The following SRGAP1 variants were observed in gnomAD, a reference collection of about 807,000 sequenced individuals.
The protein encoded by SRGAP1 is SLIT-ROBO Rho GTPase-activating protein 1.
Under a neutral mutation model 121.9 loss-of-function variants are expected in SRGAP1, and 43 were observed. The ratio of observed to expected loss-of-function variants is 0.35; its 90% CI spans 0.28 to 0.46. The LOEUF is 0.46. SRGAP1 is among the 20% of genes least tolerant of loss of function. The pLI, the probability that SRGAP1 is intolerant of heterozygous loss-of-function variation, is 1.00. For missense variants in SRGAP1, 1,102 were observed against 1,350.9 expected (o/e 0.82, Z 2.89); for synonymous variants, 447 against 485.4 (o/e 0.92, Z 1.04).
chr12:63,889,291 A>G (rs1202040534), intron 1 of SRGAP1, among the ~76,000 whole-genome samples: 1 of 152,170 alleles, frequency 6.6e-6, no homozygotes, highest in Non-Finnish European at 1.5e-5. Context: ...CTGAAGGTTC[A>G]CACATAATGC....
intron 21 of SRGAP1, among the ~76,000 whole-genome samples, chr12:64,141,059 G>A (rs2036949795): frequency 7.3e-6 from 1 of 137,014 alleles, no homozygotes; most frequent in Non-Finnish European, 1.5e-5. Flanking sequence ...ACTCATAGGT[G>A]GGAATTGAAC....
chr12:64,116,633 G>A lies in SRGAP1; in HGVS notation c.2224+740G>A, dbSNP rs141521102. The stretch of plus-strand genomic sequence containing the variant: ...ATATTCCATTGTATGTATCTATTCC[G>A]TTCTTGATGAATATGTCAGGTATTT... On this transcript the variant is annotated intron_variant, in intron 18 of 21. Transcript: ENST00000355086. 4.6e-5 allele frequency among the ~76,000 whole-genome samples: 7 copies of A among 152,096 alleles called. No homozygotes were observed. In the East Asian group the frequency reaches 5.8e-4, roughly 13 times the overall value.
chr12:64,011,384 G>A (rs558587871), intron 3 of SRGAP1, among the ~76,000 whole-genome samples: 1 of 152,216 alleles, frequency 6.6e-6, no homozygotes, highest in African/African-American at 2.4e-5. Flanking sequence ...TCTGACTTGA[G>A]TGACATTGTT....
intron 9 of SRGAP1, 79 bp from the exon 10 acceptor site, chr12:64,080,207 C>T: frequency 6.6e-6 from 8 of 1,211,552 alleles, no homozygotes; most frequent in Non-Finnish European, 9.2e-6. Flanking sequence ...CGCGCCACTG[C>T]ACTCCAGCCT....
intron 18 of SRGAP1, among the ~76,000 whole-genome samples, chr12:64,125,506 C>T (rs554309807): frequency 4.6e-5 from 7 of 152,026 alleles, no homozygotes; most frequent in South Asian, 4.2e-4. Context: ...TTAAGTAAGC[C>T]GGTAAAGCAT....
chr12:63,861,714 G>A (rs1367038065), intron 1 of SRGAP1, among the ~76,000 whole-genome samples: 1 of 152,146 alleles, frequency 6.6e-6, no homozygotes, highest in African/African-American at 2.4e-5. Flanking sequence ...TAGGCCAGGA[G>A]TGGTGGCTTA....
intron 1 of SRGAP1, among the ~76,000 whole-genome samples, chr12:63,924,375 A>T (rs547335552): frequency 2.1e-4 from 32 of 152,264 alleles, no homozygotes; most frequent in African/African-American, 7.2e-4. Flanking sequence ...ATAGTGCTCC[A>T]TTGACCCAGA....
At chr12:64,126,289 G>C (rs542632249) in intron 19 of SRGAP1, 132 bp downstream of exon 19, 1 of 981,714 alleles carries the variant, frequency 1.0e-6, no homozygotes. Flanking sequence ...GCTAGGCACA[G>C]TTCCTTACCT....
At chr12:64,097,762 C>T (rs1429758467) in intron 15 of SRGAP1, 2 of 171,470 alleles carry the variant, frequency 1.2e-5, no homozygotes, top group Non-Finnish European at 2.5e-5. Context: ...ATTTATCCAT[C>T]TTTCAATGTT....
At chr12:64,137,959 A>ATATAT (rs1176572330) in intron 21 of SRGAP1, among the ~76,000 whole-genome samples, 1 of 133,650 alleles carries the variant, frequency 7.5e-6, no homozygotes, top group Non-Finnish European at 1.6e-5. Flanking sequence ...GCTTAAAAAA[A>ATATAT]AAATATATAT....
chr12:63,867,250 T>A (rs957643087), intron 1 of SRGAP1, among the ~76,000 whole-genome samples: 1 of 152,266 alleles, frequency 6.6e-6, no homozygotes, highest in Non-Finnish European at 1.5e-5. Flanking sequence ...TATCTCATTG[T>A]GGATCTGAAA....
Position 64,050,484 on chromosome 12 carries a change from G to A in SRGAP1, c.801+6909G>A, listed in dbSNP as rs943713554. On this transcript the variant is annotated intron_variant, in intron 6 of 21. Coordinates refer to ENST00000355086, the MANE Select transcript of SRGAP1 (RefSeq NM_020762.4). ...TATATACACATTTTTAAACCAGAAG[G>A]AGAGTATGAAATGATATTTTACAAA... is the stretch of plus-strand genomic sequence containing the variant. 2.6e-5 allele frequency among the ~76,000 whole-genome samples: 4 copies of A among 152,234 alleles called. No individual in the cohort carries two copies. The South Asian group carries it at 6.2e-4, about 24-fold the overall frequency.
rs577962622 is a variant in SRGAP1, at chr12:64,138,522, G to A, written c.2881-3773G>A. Among the ~76,000 whole-genome samples, 9 of 143,710 alleles carry A rather than the reference G, an allele frequency of 6.3e-5. No individual in the cohort carries two copies. In the South Asian group the frequency reaches 6.6e-4, roughly 11 times the overall value. 94.3% of individuals were successfully genotyped at this position (143,710 alleles called of 152,430 possible). On this transcript the variant is annotated intron_variant, in intron 21 of 21. Transcript: ENST00000355086. ...GGCTGGAGTGAAGGAGTGAAGTGGC[G>A]CCATCTCGGCTCATTGCAACCTCCA... is the stretch of plus-strand genomic sequence containing the variant.
chr12:63,988,886 C>T (rs2033484363), intron 2 of SRGAP1, among the ~76,000 whole-genome samples: 2 of 152,206 alleles, frequency 1.3e-5, no homozygotes, highest in African/African-American at 4.8e-5. Context: ...TCTCGGCTCG[C>T]TGCAACCTCG....
At chr12:63,973,018 G>T (rs183100727) in intron 1 of SRGAP1, among the ~76,000 whole-genome samples, 3 of 152,146 alleles carry the variant, frequency 2.0e-5, no homozygotes, top group Admixed American at 2.0e-4. Context: ...ATGGTGGCAG[G>T]CGCCTGTAAT....
chr12:63,939,419 G>T (rs978377129), intron 1 of SRGAP1, among the ~76,000 whole-genome samples: 1 of 152,004 alleles, frequency 6.6e-6, no homozygotes, highest in African/African-American at 2.4e-5. Flanking sequence ...TACTGTTTTT[G>T]CTTCAGAAAG....
chr12:64,121,033 G>C (rs2036598450), intron 18 of SRGAP1, among the ~76,000 whole-genome samples: 1 of 139,500 alleles, frequency 7.2e-6, no homozygotes, highest in Non-Finnish European at 1.5e-5. Context: ...TTTTCTGTGA[G>C]ACAGGGTTTC....
rs559570690 is a variant in SRGAP1, at chr12:64,097,676, G to A, written c.1813+301G>A. On this transcript the variant is annotated intron_variant, in intron 15 of 21. Transcript: ENST00000355086. ...CCAGCTGCCTAAGGGAAAGGAGGAA[G>A]TTGTAAGCTGGGAAATGTGACCTTT... The A allele has an allele frequency of 1.6e-5, 4 of 256,154 alleles. No individual in the cohort carries two copies. The South Asian group carries it at 5.6e-4, about 36-fold the overall frequency. The allele number at this position is 256,154 out of a possible 1,614,324, so 15.9% of individuals were successfully genotyped here.
chr12:64,087,455 C>T (rs2035967984), intron 11 of SRGAP1, among the ~76,000 whole-genome samples: 1 of 152,120 alleles, frequency 6.6e-6, no homozygotes, highest in Admixed American at 6.5e-5. Flanking sequence ...TTAGAGCTGG[C>T]CGGGTGCAGT....
Sources: allele counts gnomAD v4.1 joint callset (sites outside exome capture counted in the v4.1 genomes callset), GRCh38; gene constraint gnomAD v4.1.1; transcripts MANE v1.5; gene names NCBI Gene and HGNC (gene_info 2026-07-23, HGNC 2026-07-21).